ULK2: variants seen among roughly 807,000 people sequenced by gnomAD.
ULK2 encodes the protein serine/threonine-protein kinase ULK2.
A neutral mutation model predicts 127.5 loss-of-function variants in ULK2; 76 were observed. The ratio of observed to expected loss-of-function variants is 0.60; its 90% confidence interval spans 0.50 to 0.72. ULK2 has a LOEUF of 0.72. Ranked by LOEUF, ULK2 falls within the 30% of genes least tolerant of loss-of-function variation. The probability of loss-of-function intolerance (pLI) is 0.00; values close to 1 mark genes in which losing one functional copy is unlikely to be tolerated. For synonymous variants in ULK2, 452 were observed against 461.9 expected, an observed-to-expected ratio of 0.98 and a Z score of 0.28; for missense variants, 1,144 against 1,295.9, an observed-to-expected ratio of 0.88 and a Z score of 1.80.
intron 22 of ULK2, among the ~76,000 whole-genome samples, 186 bp from the exon 23 acceptor site, chr17:19,782,253 T>C (rs1278266015): frequency 6.6e-6 from 1 of 152,082 alleles, no homozygotes; most frequent in Admixed American, 6.5e-5. Context: ...AAACCAAATA[T>C]AGGTATATGC....
At position 19,816,749 on chromosome 17, in the gene ULK2, A is replaced by G; in HGVS notation, c.1096T>C (p.Cys366Arg). 5 of 1,570,222 alleles carry G rather than the reference A, an allele frequency of 3.2e-6. No homozygotes were observed. The highest frequency in any genetic ancestry group is 1.2e-5 in the South Asian group (1 of 82,274). ...GTGTACAAGTAGAAAAGATTCTCACATGAGTGGTCTGACGAGATGTTGTGT... is the reference window on the plus strand; with the variant it reads ...GTGTACAAGTAGAAAAGATTCTCACGTGAGTGGTCTGACGAGATGTTGTGT... ...VPHNISSDHS[C>R]DMPVGTAGRR... The change falls in exon 13 of 27, where the codon TGT (cysteine) becomes CGT (arginine). Residue 366 changes from cysteine to arginine, a missense_variant and splice_region_variant. By Grantham distance (180) the Cys-to-Arg change is radical. Around this residue, in one of 2 missense-constraint regions of ULK2, gnomAD observed 913 missense variants for 970.5 expected, o/e 0.94. Transcript: ENST00000395544.
At chr17:19,852,304 A>G (rs551404666) in intron 3 of ULK2, among the ~76,000 whole-genome samples, 1 of 151,820 alleles carries the variant, frequency 6.6e-6, no homozygotes, top group South Asian at 2.1e-4. Context: ...GGCGGATCAC[A>G]AGGTCAGGAG....
chr17:19,780,574 A>G lies in ULK2; in HGVS notation c.2814T>C (p.Leu938=). ...AGAAGAATCGATTCAGCTTTTCTGT[A>G]AGTTTCTTGCACATGGTGATGCAGA... ...YKFCITMCKK[L]TEKLNRFFSD... Residue 938 remains leucine (L), a synonymous_variant, in exon 25 of 27, where the codon CTT becomes CTC. Transcript: ENST00000395544. 6.2e-7 allele frequency: 1 copy of G among 1,613,888 alleles called. No individual in the cohort carries two copies. The highest frequency in any genetic ancestry group is 8.5e-7 in the Non-Finnish European group (1 of 1,179,924).
intron 13 of ULK2, among the ~76,000 whole-genome samples, chr17:19,814,438 A>ATATATTTTTTTTTTTT (rs1318303261): frequency 4.3e-5 from 1 of 23,334 alleles, no homozygotes; most frequent in Non-Finnish European, 7.6e-5. Context: ...ATATATATAT[A>ATATATTTTTTTTTTTT]TTTTTTTTTT....
rs2086973579 is a variant in ULK2 at position 19,783,913 on chromosome 17, G to A, written c.2252-8C>T. 2 of 1,489,276 alleles carry A rather than the reference G, an allele frequency of 1.3e-6. No individual in the cohort carries two copies. The highest frequency in any genetic ancestry group is 2.8e-5 in the African/African-American group (2 of 71,164). 92.3% of individuals were successfully genotyped at this position (1,489,276 alleles called of 1,614,324 possible). A position where few individuals can be genotyped will look rare whatever the true frequency, so the allele number is the denominator to read the frequency against. On this transcript the variant is annotated splice_region_variant and splice_polypyrimidine_tract_variant and intron_variant, in intron 21 of 26. Coordinates refer to ENST00000395544, the MANE Select transcript of ULK2 (RefSeq NM_014683.4). ...CGGAGTTGCTGGGCCCCACTACAAG[G>A]AAACAGAGGATACATGGCAGTGTCC... is the stretch of plus-strand genomic sequence containing the variant.
intron 20 of ULK2, among the ~76,000 whole-genome samples, chr17:19,787,789 A>G (rs1043363235): frequency 9.9e-5 from 15 of 152,214 alleles, no homozygotes; most frequent in Non-Finnish European, 1.8e-4. Context: ...TTTTAACTTC[A>G]TATCACTGAA....
chr17:19,865,613 G>A, intron 2 of ULK2, 123 bp downstream of exon 2: 2 of 532,892 alleles, frequency 3.8e-6, no homozygotes, highest in Non-Finnish European at 3.3e-6. Flanking sequence ...ATGCAAAAAG[G>A]AGAGCAACAG....
intron 21 of ULK2, among the ~76,000 whole-genome samples, chr17:19,785,264 T>C (rs1296676591): frequency 1.3e-5 from 2 of 152,190 alleles, no homozygotes; most frequent in African/African-American, 4.8e-5. Context: ...CAGGCTGGAG[T>C]GCAATGGCGC....
intron 3 of ULK2, among the ~76,000 whole-genome samples, chr17:19,854,163 A>G (rs1003204305): frequency 1.2e-4 from 18 of 151,816 alleles, no homozygotes; most frequent in African/African-American, 4.4e-4. Context: ...CTGTAACCCC[A>G]GCTACTCGGA....
intron 15 of ULK2, among the ~76,000 whole-genome samples, chr17:19,802,541 T>C (rs1046237800): frequency 1.3e-5 from 2 of 152,234 alleles, no homozygotes; most frequent in East Asian, 1.9e-4. Flanking sequence ...CAGAAGACAT[T>C]TGGATTCTCA....
In ULK2 at chr17:19,774,606, G is replaced by T. The variant is rs1213449920; in HGVS notation, c.*1743C>A. On this transcript the variant is annotated 3_prime_UTR_variant, in exon 27 of 27. Transcript: ENST00000395544. Reference sequence around the variant, plus strand: ...GGGTTGTGGAGGTAAAACAGTCTATGTTCCTGGAAGCCTGCATGACAGTAG... The same window carrying T: ...GGGTTGTGGAGGTAAAACAGTCTATTTTCCTGGAAGCCTGCATGACAGTAG... 3 of 152,216 alleles carry T rather than the reference G, an allele frequency of 2.0e-5. No homozygotes were observed. The highest frequency in any genetic ancestry group is 7.2e-5 in the African/African-American group (3 of 41,458). The allele number at this position is 152,216 out of a possible 1,614,324, so 9.4% of individuals were successfully genotyped here.
chr17:19,866,967 CG>C (rs1222592793), intron 1 of ULK2, among the ~76,000 whole-genome samples: 1 of 152,098 alleles, frequency 6.6e-6, no homozygotes, highest in African/African-American at 2.4e-5. Flanking sequence ...GCCCTGGGCA[CG>C]GGGAAAAAAA....
chr17:19,855,403 CA>C (rs1048908396), intron 3 of ULK2, among the ~76,000 whole-genome samples: 128 of 133,702 alleles, frequency 9.6e-4, no homozygotes, highest in Middle Eastern at 3.7e-3. Flanking sequence ...AACTCCATCT[CA>C]AAAAAAAAAA....
At chr17:19,855,599 C>CAAAAAAAAAAAAAAAA (rs72047415) in intron 3 of ULK2, 1 of 33,576 alleles carries the variant, frequency 3.0e-5, no homozygotes, top group African/African-American at 8.7e-5. Context: ...GACTCCATCT[C>CAAAAAAAAAAAAAAAA]AAAAAAAAAA....
rs574870129 is a variant in ULK2 at position 19,772,300 on chromosome 17, T to C, written c.*4049A>G. ...CGTATGCAGTGTTTTTCTAGGTGGA[T>C]TGTTTCTGATGTGGTTTCCTCTGAT... On this transcript the variant is annotated 3_prime_UTR_variant, in exon 27 of 27. Transcript: ENST00000395544. 6.6e-6 allele frequency: 1 copy of C among 152,372 alleles called. No individual in the cohort carries two copies. Among genetic ancestry groups the C allele is most frequent in the East Asian group, 1.9e-4 (1 of 5,192 alleles). 9.4% of individuals were successfully genotyped at this position (152,372 alleles called of 1,614,324 possible). A position where few individuals can be genotyped will look rare whatever the true frequency, so the allele number is the denominator to read the frequency against.
rs546349932 is a variant in ULK2 at position 19,823,965 on chromosome 17, C to A, written c.924+1129G>T. The stretch of plus-strand genomic sequence containing the variant: ...CTTGCGTTATATACTATGTGTCAGA[C>A]CCTGCATGCAATAAGTGCTTACACT... On this transcript the variant is annotated intron_variant, in intron 12 of 26. Coordinates refer to ENST00000395544, the MANE Select transcript of ULK2 (RefSeq NM_014683.4). Among the ~76,000 whole-genome samples, 19 of 152,268 alleles carry A rather than the reference C, an allele frequency of 1.2e-4. No homozygotes were observed. The South Asian group carries it at 3.7e-3, about 30-fold the overall frequency.
At chr17:19,796,358 G>T in intron 18 of ULK2, 76 bp from the exon 19 acceptor site, 1 of 1,321,814 alleles carries the variant, frequency 7.6e-7, no homozygotes. Context: ...TGGCAGGTTT[G>T]TGTGACCCAG....
chr17:19,853,673 G>A (rs1218410139), intron 3 of ULK2, among the ~76,000 whole-genome samples: 2 of 151,368 alleles, frequency 1.3e-5, no homozygotes, highest in African/African-American at 4.9e-5. Context: ...CCGGGTTCAC[G>A]CCATTCTCCT....
intron 6 of ULK2, among the ~76,000 whole-genome samples, 194 bp from the exon 7 acceptor site, chr17:19,845,571 T>C (rs959001834): frequency 1.4e-4 from 22 of 152,176 alleles, no homozygotes; most frequent in Non-Finnish European, 4.4e-5. Context: ...AATCGTCAAC[T>C]GTACAAGTCA....
Sources: allele counts gnomAD v4.1 joint callset (sites outside exome capture counted in the v4.1 genomes callset), GRCh38; gene constraint gnomAD v4.1.1; regional missense constraint gnomAD v4.1.1; transcripts MANE v1.5; gene names NCBI Gene and HGNC (gene_info 2026-07-23, HGNC 2026-07-21).